The following GABRA2 variants were observed in gnomAD, a reference collection of about 807,000 sequenced individuals.
The protein encoded by GABRA2 is gamma-aminobutyric acid receptor subunit alpha-2.
GABRA2 carries 16 observed loss-of-function variants against 48.7 expected under a neutral mutation model. That is an observed-to-expected ratio of 0.33 (90% CI 0.22 to 0.50). The LOEUF is 0.50. Ranked by LOEUF, GABRA2 falls within the 20% of genes least tolerant of loss-of-function variation. The pLI is 0.98. For missense variants in GABRA2, 275 were observed against 535.6 expected, an observed-to-expected ratio of 0.51 and a Z score of 4.80; for synonymous variants, 185 against 184.5, an observed-to-expected ratio of 1.00 and a Z score of -0.02.
At chr4:46,334,870 A>G (rs1347206588) in intron 3 of GABRA2, among the ~76,000 whole-genome samples, 1 of 152,146 alleles carries the variant, frequency 6.6e-6, no homozygotes, top group Non-Finnish European at 1.5e-5. Flanking sequence ...AGTTCCGAAA[A>G]AGGAAAATCA....
intron 3 of GABRA2, among the ~76,000 whole-genome samples, chr4:46,383,565 C>T (rs1011823314): frequency 6.6e-6 from 1 of 152,064 alleles, no homozygotes; most frequent in African/African-American, 2.4e-5. Flanking sequence ...AGCTTCTAAT[C>T]TTAATAAGGT....
At chr4:46,272,662 T>C (rs1034141623) in intron 8 of GABRA2, among the ~76,000 whole-genome samples, 3 of 151,466 alleles carry the variant, frequency 2.0e-5, no homozygotes, top group Non-Finnish European at 4.4e-5. Flanking sequence ...GTTAACGGGG[T>C]TCCCCAGAAA....
chr4:46,331,595 T>C (rs1731374737), intron 4 of GABRA2, among the ~76,000 whole-genome samples: 1 of 152,192 alleles, frequency 6.6e-6, no homozygotes, highest in African/African-American at 2.4e-5. Context: ...CAGAGCACCA[T>C]AGTTAGCAGT....
At chr4:46,327,317 T>C (rs1053050805) in intron 4 of GABRA2, among the ~76,000 whole-genome samples, 1 of 151,982 alleles carries the variant, frequency 6.6e-6, no homozygotes, top group African/African-American at 2.4e-5. Context: ...TAAAAAATAA[T>C]TCAAATGGTT....
intron 8 of GABRA2, among the ~76,000 whole-genome samples, chr4:46,281,579 G>C (rs1473057105): frequency 1.3e-5 from 2 of 152,122 alleles, no homozygotes; most frequent in Non-Finnish European, 2.9e-5. Context: ...TCTGTCAAAG[G>C]CCACTGATAT....
At chr4:46,296,710 A>G (rs1255660270) in intron 8 of GABRA2, among the ~76,000 whole-genome samples, 1 of 151,542 alleles carries the variant, frequency 6.6e-6, no homozygotes, top group Non-Finnish European at 1.5e-5. Flanking sequence ...AGGCAAAGGA[A>G]ATACAGGATG....
chr4:46,250,631 A>G, intron 9 of GABRA2, 27 bp from the exon 10 acceptor site: 2 of 1,542,642 alleles, frequency 1.3e-6, no homozygotes, highest in Admixed American at 1.9e-5. Flanking sequence ...AAATTAACAG[A>G]GTGTGGGTTG....
At chr4:46,277,803 C>T (rs1301836764) in intron 8 of GABRA2, among the ~76,000 whole-genome samples, 2 of 152,168 alleles carry the variant, frequency 1.3e-5, no homozygotes, top group Non-Finnish European at 2.9e-5. Context: ...CGTCTAAAGG[C>T]AGCTGCTGCT....
chr4:46,260,319 G>A (rs1336557187), intron 9 of GABRA2, among the ~76,000 whole-genome samples: 1 of 151,840 alleles, frequency 6.6e-6, no homozygotes, highest in African/African-American at 2.4e-5. Flanking sequence ...TTTTGACATA[G>A]ATTTATCCTG....
intron 8 of GABRA2, among the ~76,000 whole-genome samples, chr4:46,284,783 A>G (rs1722207171): frequency 6.6e-6 from 1 of 151,978 alleles, no homozygotes; most frequent in African/African-American, 2.4e-5. Context: ...AGAGCATATT[A>G]ATTTTTTAAA....
At chr4:46,293,440 G>A (rs1391034231) in intron 8 of GABRA2, among the ~76,000 whole-genome samples, 1 of 152,158 alleles carries the variant, frequency 6.6e-6, no homozygotes, top group Non-Finnish European at 1.5e-5. Context: ...CTGGACACTG[G>A]CTCTGAGTTG....
chr4:46,287,786 A>G (rs972734684), intron 8 of GABRA2, among the ~76,000 whole-genome samples: 1 of 151,344 alleles, frequency 6.6e-6, no homozygotes, highest in Admixed American at 6.6e-5. Context: ...TAATAATAAT[A>G]AAAAAAAAGA....
At chr4:46,262,216 C>T (rs1273946047) in intron 8 of GABRA2, 88 bp from the exon 9 acceptor site, 1 of 956,494 alleles carries the variant, frequency 1.0e-6, no homozygotes, top group South Asian at 1.5e-5. Context: ...CTCCAGCCCC[C>T]AAAGCTTTTA....
chr4:46,271,967 T>C (rs1163684292), intron 8 of GABRA2, among the ~76,000 whole-genome samples: 1 of 151,932 alleles, frequency 6.6e-6, no homozygotes, highest in Non-Finnish European at 1.5e-5. Flanking sequence ...TTTACCTGTT[T>C]TTTATTTAGC....
chr4:46,245,179 C>T lies in GABRA2; in HGVS notation c.*5129G>A, dbSNP rs1204883676. Among the ~76,000 whole-genome samples, 35 of 151,160 alleles carry T rather than the reference C, an allele frequency of 2.3e-4. No individual in the cohort carries two copies. Among genetic ancestry groups the T allele is most frequent in the Admixed American group, 2.3e-3 (34 of 15,108 alleles). ...TGTGAGGACTGAATGAACTAATATGCATAAAAAACTTAGAACGTTGACTAG... is the reference window on the plus strand; with the variant it reads ...TGTGAGGACTGAATGAACTAATATGTATAAAAAACTTAGAACGTTGACTAG... On this transcript the variant is annotated 3_prime_UTR_variant, in exon 10 of 10. Transcript: ENST00000381620.
chr4:46,265,007 A>ATATATATATATATATATTTAT (rs1426804933), intron 8 of GABRA2, among the ~76,000 whole-genome samples: 1 of 140,550 alleles, frequency 7.1e-6, no homozygotes, highest in Non-Finnish European at 1.5e-5. Flanking sequence ...ATATATGTAT[A>ATATATATATATATATATTTAT]AAGAGAGAGA....
chr4:46,359,030 G>A (rs895834977), intron 3 of GABRA2, among the ~76,000 whole-genome samples: 1 of 152,120 alleles, frequency 6.6e-6, no homozygotes, highest in African/African-American at 2.4e-5. Context: ...ATTGGGATCT[G>A]TAATTTTATT....
intron 8 of GABRA2, among the ~76,000 whole-genome samples, chr4:46,270,477 G>GTAC: frequency 6.6e-6 from 1 of 151,918 alleles, no homozygotes; most frequent in Non-Finnish European, 1.5e-5. Flanking sequence ...CACTAGTTGG[G>GTAC]TACTCTCTAA....
At chr4:46,256,650 C>T (rs932782777) in intron 9 of GABRA2, among the ~76,000 whole-genome samples, 1 of 151,272 alleles carries the variant, frequency 6.6e-6, no homozygotes, top group African/African-American at 2.4e-5. Context: ...AATGTGCTGG[C>T]CCAAAGATGA....
Sources: allele counts gnomAD v4.1 joint callset (sites outside exome capture counted in the v4.1 genomes callset), GRCh38; gene constraint gnomAD v4.1.1; transcripts MANE v1.5; gene names NCBI Gene and HGNC (gene_info 2026-07-23, HGNC 2026-07-21).